Variants in GRK3 observed in about 807,000 individuals in gnomAD.
GRK3 encodes adrenergic, beta, receptor kinase 2.
Under a neutral mutation model 95.7 loss-of-function variants are expected in GRK3, and 54 were observed. The ratio of observed to expected loss-of-function variants is 0.56; its 90% CI spans 0.45 to 0.71. The LOEUF (loss-of-function observed/expected upper bound fraction) is 0.71. Ranked by LOEUF, GRK3 falls within the 30% of genes least tolerant of loss-of-function variation. The pLI, the probability that GRK3 is intolerant of heterozygous loss-of-function variation, is 0.00. For synonymous variants in GRK3, 281 were observed against 290.8 expected (o/e 0.97, Z 0.34); for missense variants, 649 against 851.2 (o/e 0.76, Z 2.96).
intron 5 of GRK3, among the ~76,000 whole-genome samples, chr22:25,665,551 T>C (rs563906086): frequency 1.3e-5 from 2 of 152,196 alleles, no homozygotes; most frequent in East Asian, 1.9e-4. Context: ...AAACACTTTA[T>C]TGATTTGTTT....
intron 12 of GRK3, 22 bp from the exon 13 acceptor site, chr22:25,695,083 CTG>C (rs984134328): frequency 1.3e-6 from 2 of 1,568,668 alleles, no homozygotes; most frequent in African/African-American, 1.4e-5. Flanking sequence ...GCTCTGATAA[CTG>C]TGTATACTTT....
chr22:25,599,157 G>A (rs2084391630), intron 1 of GRK3, among the ~76,000 whole-genome samples: 1 of 152,120 alleles, frequency 6.6e-6, no homozygotes, highest in Non-Finnish European at 1.5e-5. Context: ...GTGACCTTGG[G>A]TTAGGCAAAG....
intron 13 of GRK3, among the ~76,000 whole-genome samples, chr22:25,695,960 C>CAA (rs2085205120): frequency 6.6e-6 from 1 of 151,416 alleles, no homozygotes; most frequent in Non-Finnish European, 1.5e-5. Flanking sequence ...CAGCCTCCTG[C>CAA]GTAGCTGGGA....
intron 1 of GRK3, among the ~76,000 whole-genome samples, chr22:25,591,977 A>G (rs1932508227): frequency 6.6e-6 from 1 of 152,150 alleles, no homozygotes; most frequent in Non-Finnish European, 1.5e-5. Flanking sequence ...ATATGCTTTC[A>G]TTTCTCTCAG....
At chr22:25,572,307 G>A (rs996378307) in intron 1 of GRK3, among the ~76,000 whole-genome samples, 29 of 152,160 alleles carry the variant, frequency 1.9e-4, no homozygotes, top group African/African-American at 2.4e-4. Context: ...AAATAGTGCC[G>A]CAATAAACAT....
In GRK3 at chr22:25,577,965, T is replaced by C. The variant is rs544448094; in HGVS notation, c.113+12812T>C. Among the ~76,000 whole-genome samples the C allele has an allele frequency of 3.0e-4, 46 of 152,328 alleles. 1 individual carries two copies. In the Middle Eastern group the frequency reaches 0.027, roughly 90 times the overall value. Reference sequence around the variant, plus strand: ...ATATTATTTTTAGTTTGAAATTATTTCATATAAACAATTATTTCATATATA... The same window carrying C: ...ATATTATTTTTAGTTTGAAATTATTCCATATAAACAATTATTTCATATATA... On this transcript the variant is annotated intron_variant, in intron 1 of 20. Coordinates refer to ENST00000324198, the MANE Select transcript of GRK3 (RefSeq NM_005160.4).
At chr22:25,566,433 C>G (rs903855429) in intron 1 of GRK3, among the ~76,000 whole-genome samples, 1 of 152,090 alleles carries the variant, frequency 6.6e-6, no homozygotes, top group Non-Finnish European at 1.5e-5. Context: ...ATACCAGTCC[C>G]CTTGTTATTT....
At chr22:25,714,308 A>G (rs1327263182) in intron 17 of GRK3, 100 bp from the exon 18 acceptor site, 6 of 966,304 alleles carry the variant, frequency 6.2e-6, no homozygotes, top group Non-Finnish European at 9.2e-6. Context: ...TCATCTTCCT[A>G]TATAGAGTTA....
intron 9 of GRK3, among the ~76,000 whole-genome samples, chr22:25,679,652 G>A (rs998297421): frequency 2.8e-4 from 42 of 152,084 alleles, no homozygotes; most frequent in African/African-American, 8.7e-4. Flanking sequence ...CAAAAAACCC[G>A]TCCTCTCAGT....
intron 1 of GRK3, among the ~76,000 whole-genome samples, chr22:25,572,017 C>T (rs1386735502): frequency 6.6e-6 from 1 of 151,840 alleles, no homozygotes; most frequent in East Asian, 1.9e-4. Flanking sequence ...TTCCCCCCGC[C>T]CCATGATAGA....
chr22:25,594,192 C>T (rs567069488), intron 1 of GRK3, among the ~76,000 whole-genome samples: 34 of 152,106 alleles, frequency 2.2e-4, no homozygotes, highest in Non-Finnish European at 4.1e-4. Context: ...TTGTTTTGGG[C>T]AGCATGGCCA....
chr22:25,648,581 A>G (rs1300496356), intron 3 of GRK3: 1 of 1,314,496 alleles, frequency 7.6e-7, no homozygotes, highest in African/African-American at 1.5e-5. Context: ...TAATGAAAAA[A>G]ATAAGACATG....
intron 1 of GRK3, among the ~76,000 whole-genome samples, chr22:25,597,471 A>G (rs1019500557): frequency 6.6e-6 from 1 of 152,204 alleles, no homozygotes; most frequent in Non-Finnish European, 1.5e-5. Flanking sequence ...AAGAAATGAC[A>G]AATGTTTGAG....
intron 1 of GRK3, among the ~76,000 whole-genome samples, chr22:25,582,705 G>A (rs1932144110): frequency 6.6e-6 from 1 of 152,170 alleles, no homozygotes; most frequent in Non-Finnish European, 1.5e-5. Context: ...TTAAATACAG[G>A]TGGCATTTCG....
In GRK3 at chr22:25,728,118, G is replaced by A. The variant is rs1049600383; in HGVS notation, c.*5668G>A. ...TTATTTGTATAGTTTGTTATTTAAA[G>A]AAATGGCAGTCCTTCCTGTTCTTAA... is the stretch of plus-strand genomic sequence containing the variant. On this transcript the variant is annotated 3_prime_UTR_variant, in exon 21 of 21. Transcript: ENST00000324198. 6.6e-6 allele frequency: 1 copy of A among 152,108 alleles called. No homozygotes were observed. Among genetic ancestry groups the A allele is most frequent in the Non-Finnish European group, 1.5e-5 (1 of 68,012 alleles). The allele number at this position is 152,108 out of a possible 1,614,324, so 9.4% of individuals were successfully genotyped here. A position where few individuals can be genotyped will look rare whatever the true frequency, so the allele number is the denominator to read the frequency against.
rs201061630 is a variant in GRK3, at chr22:25,664,770, C to T, written c.441+1066C>T. Among the ~76,000 whole-genome samples the T allele has an allele frequency of 1.6e-4, 25 of 152,184 alleles. No individual in the cohort carries two copies. In the East Asian group the frequency reaches 4.1e-3, roughly 25 times the overall value. On this transcript the variant is annotated intron_variant, in intron 5 of 20. Coordinates refer to ENST00000324198, the MANE Select transcript of GRK3 (RefSeq NM_005160.4). ...TCCTGATCTTGTGATCCGCCCGCCT[C>T]GGCCTCCCAAAGTGCTGGGATTACA...
At chr22:25,637,057 A>G (rs1456778201) in intron 2 of GRK3, among the ~76,000 whole-genome samples, 1 of 152,190 alleles carries the variant, frequency 6.6e-6, no homozygotes, top group African/African-American at 2.4e-5. Flanking sequence ...GCAGGAATAG[A>G]ACAAAAAGGT....
intron 1 of GRK3, among the ~76,000 whole-genome samples, chr22:25,592,392 G>T (rs1932523500): frequency 6.6e-6 from 1 of 152,150 alleles, no homozygotes; most frequent in Admixed American, 6.5e-5. Flanking sequence ...CAATTGGATA[G>T]ATGGTTTGCC....
At chr22:25,568,822 T>C (rs1384718970) in intron 1 of GRK3, among the ~76,000 whole-genome samples, 1 of 152,256 alleles carries the variant, frequency 6.6e-6, no homozygotes, top group Non-Finnish European at 1.5e-5. Flanking sequence ...TAATAAAGAA[T>C]GAATATAGAA....
Sources: allele counts gnomAD v4.1 joint callset (sites outside exome capture counted in the v4.1 genomes callset), GRCh38; gene constraint gnomAD v4.1.1; transcripts MANE v1.5; gene names NCBI Gene and HGNC (gene_info 2026-07-23, HGNC 2026-07-21).